Variants in FKTN observed in about 807,000 individuals in gnomAD.
FKTN encodes ribitol-5-phosphate transferase FKTN.
In FKTN, 47 loss-of-function variants were observed where a neutral mutation model predicts 58.6. The observed-to-expected ratio is 0.80, with a 90% CI of 0.63 to 1.02. The LOEUF (loss-of-function observed/expected upper bound fraction) is 1.02, where lower values mean the gene tolerates loss of function less well. Among genes scored for constraint, FKTN ranks in the 50% least tolerant of loss-of-function variants. The probability of loss-of-function intolerance (pLI) is 0.00; values close to 1 mark genes in which losing one functional copy is unlikely to be tolerated. For missense variants in FKTN, 516 were observed against 537.3 expected, an observed-to-expected ratio of 0.96 and a Z score of 0.39; for synonymous variants, 178 against 191.9, an observed-to-expected ratio of 0.93 and a Z score of 0.60.
chr9:105,637,570 C>G lies in FKTN; in HGVS notation c.*2306C>G. The G allele has an allele frequency of 1.0e-6, 1 of 985,364 alleles. No homozygotes were observed. The highest frequency in any genetic ancestry group is 1.2e-6 in the Non-Finnish European group (1 of 829,920). 61.0% of individuals were successfully genotyped at this position (985,364 alleles called of 1,614,324 possible). ...TGGGTTCTGTGGAGTGTCCAGAGAC[C>G]TTGGGTTAGGTATATCCATCTTCAG... On this transcript the variant is annotated 3_prime_UTR_variant, in exon 11 of 11. Coordinates refer to ENST00000357998, the MANE Select transcript of FKTN (RefSeq NM_001079802.2).
chr9:105,587,879 A>G lies in FKTN; in HGVS notation c.106-8719A>G, dbSNP rs190178049. On this transcript the variant is annotated intron_variant, in intron 3 of 10. Transcript: ENST00000357998. ...GAACTGCAGTGGCTTGGGAGTAAATATAAGAGAAATGTTTCTACTGGAAAG... is the reference window on the plus strand; with the variant it reads ...GAACTGCAGTGGCTTGGGAGTAAATGTAAGAGAAATGTTTCTACTGGAAAG... Among the ~76,000 whole-genome samples, 5 of 152,310 alleles carry G rather than the reference A, an allele frequency of 3.3e-5. 1 individual carries two copies. Among genetic ancestry groups the G allele is most frequent in the Admixed American group, 2.0e-4 (3 of 15,294 alleles).
rs943139460 is a variant in FKTN, at chr9:105,558,184, A to T, written c.-181+19A>T. On this transcript the variant is annotated intron_variant, in intron 1 of 10. Coordinates refer to ENST00000357998, the MANE Select transcript of FKTN (RefSeq NM_001079802.2). The stretch of plus-strand genomic sequence containing the variant: ...GAGTGAGGTAAGGTACGGGAGGCTC[A>T]GGTCGGTACCCGGGGATGGGTGGGC... The T allele has an allele frequency of 6.6e-6, 1 of 152,246 alleles. No homozygotes were observed. Among genetic ancestry groups the T allele is most frequent in the African/African-American group, 2.4e-5 (1 of 41,456 alleles). The allele number at this position is 152,246 out of a possible 1,614,324, so 9.4% of individuals were successfully genotyped here. A position where few individuals can be genotyped will look rare whatever the true frequency, so the allele number is the denominator to read the frequency against.
At chr9:105,625,400 A>G (rs1832628147) in intron 10 of FKTN, among the ~76,000 whole-genome samples, 1 of 152,220 alleles carries the variant, frequency 6.6e-6, no homozygotes, top group Admixed American at 6.5e-5. Context: ...AAACTGGTTA[A>G]TTGCCAGAAA....
intron 3 of FKTN, among the ~76,000 whole-genome samples, chr9:105,593,811 T>A (rs79393064): frequency 6.6e-6 from 1 of 152,192 alleles, no homozygotes; most frequent in African/African-American, 2.4e-5. Context: ...AAGATAAGTA[T>A]TGATAATTGA....
intron 3 of FKTN, among the ~76,000 whole-genome samples, chr9:105,581,097 T>A (rs574591060): frequency 6.7e-6 from 1 of 150,076 alleles, no homozygotes; most frequent in Admixed American, 6.6e-5. Context: ...TTTAACTTCT[T>A]TGCCTTTGGT....
rs551497863 is a variant in FKTN, at chr9:105,563,515, G to A, written c.-181+5350G>A. 3.3e-4 allele frequency among the ~76,000 whole-genome samples: 50 copies of A among 152,170 alleles called. 1 individual carries two copies. The highest frequency in any genetic ancestry group is 4.3e-4 in the Non-Finnish European group (29 of 68,038). Reference sequence around the variant, plus strand: ...CACCAGGAGATTATATCCCACGCCTGGCTCGGAGGGTCCTATGCCCACGGA... The same window carrying A: ...CACCAGGAGATTATATCCCACGCCTAGCTCGGAGGGTCCTATGCCCACGGA... On this transcript the variant is annotated intron_variant, in intron 1 of 10. Transcript: ENST00000357998.
At chr9:105,580,010 A>G (rs953243718) in intron 3 of FKTN, among the ~76,000 whole-genome samples, 5 of 150,552 alleles carry the variant, frequency 3.3e-5, no homozygotes, top group African/African-American at 1.2e-4. Context: ...TTTGTTTTCC[A>G]TTTGCTTGGT....
chr9:105,634,426 G>A (rs1014943547), intron 10 of FKTN, among the ~76,000 whole-genome samples: 1 of 152,074 alleles, frequency 6.6e-6, no homozygotes, highest in African/African-American at 2.4e-5. Flanking sequence ...GAGCCACCAC[G>A]ACCGGCCTGG....
In FKTN at chr9:105,639,943, T is replaced by C; in HGVS notation, c.*4679T>C. On this transcript the variant is annotated 3_prime_UTR_variant, in exon 11 of 11. Coordinates refer to ENST00000357998, the MANE Select transcript of FKTN (RefSeq NM_001079802.2). ...ATCTTTACCTCCTTGTTAGTGAAAT[T>C]AGATATAAGCCATGATTTGGAGAGG... The C allele has an allele frequency of 6.8e-7, 1 of 1,467,920 alleles. No homozygotes were observed. The highest frequency in any genetic ancestry group is 9.0e-7 in the Non-Finnish European group (1 of 1,115,354). 90.9% of individuals were successfully genotyped at this position (1,467,920 alleles called of 1,614,324 possible). A position where few individuals can be genotyped will look rare whatever the true frequency, so the allele number is the denominator to read the frequency against.
Position 105,569,162 on chromosome 9 carries a change from G to A in FKTN, c.-180-4493G>A, listed in dbSNP as rs553681772. Among the ~76,000 whole-genome samples, 29 of 152,168 alleles carry A rather than the reference G, an allele frequency of 1.9e-4. No homozygotes were observed. In the South Asian group the frequency reaches 4.8e-3, roughly 25 times the overall value. On this transcript the variant is annotated intron_variant, in intron 1 of 10. Transcript: ENST00000357998. Reference sequence around the variant, plus strand: ...TGTGGGATGGGAGCAAGGGGGAGGCGTAGCATTGGTAGATATACCTAATGT... The same window carrying A: ...TGTGGGATGGGAGCAAGGGGGAGGCATAGCATTGGTAGATATACCTAATGT...
chr9:105,578,605 C>A (rs1435911047), intron 3 of FKTN, among the ~76,000 whole-genome samples: 2 of 151,742 alleles, frequency 1.3e-5, no homozygotes, highest in Non-Finnish European at 2.9e-5. Context: ...CATCAATGTT[C>A]ATCAAGAATA....
rs1834058046 is a variant in FKTN, at chr9:105,636,632, A to C, written c.*1368A>C. Reference sequence around the variant, plus strand: ...TATTGTAAGTGAGAGGTAAAGGAAAATGTAGGCACAATAAGCACTGCTATT... The same window carrying C: ...TATTGTAAGTGAGAGGTAAAGGAAACTGTAGGCACAATAAGCACTGCTATT... On this transcript the variant is annotated 3_prime_UTR_variant, in exon 11 of 11. Transcript: ENST00000357998. The C allele has an allele frequency of 8.2e-7, 1 of 1,221,664 alleles. No homozygotes were observed. The highest frequency in any genetic ancestry group is 1.6e-5 in the African/African-American group (1 of 63,848). 75.7% of individuals were successfully genotyped at this position (1,221,664 alleles called of 1,614,324 possible). A position where few individuals can be genotyped will look rare whatever the true frequency, so the allele number is the denominator to read the frequency against.
At position 105,575,122 on chromosome 9, in the gene FKTN, C is replaced by T. The variant is rs2132018196; in HGVS notation, c.90C>T (p.His30=). Residue 30 remains histidine (H), a synonymous_variant, in exon 3 of 11, where the codon CAC becomes CAT. Transcript: ENST00000357998. ...FLLFQLYYYK[H]YLSTKNGAGL... is the part of the protein sequence containing the mutation. ...TGTTTCAGTTGTACTACTACAAGCACTATTTATCAACAAAGGTAATTTTAT... is the reference window on the plus strand; with the variant it reads ...TGTTTCAGTTGTACTACTACAAGCATTATTTATCAACAAAGGTAATTTTAT... The T allele has an allele frequency of 6.3e-7, 1 of 1,590,116 alleles. No homozygotes were observed. Among genetic ancestry groups the T allele is most frequent in the Non-Finnish European group, 8.6e-7 (1 of 1,158,294 alleles).
intron 3 of FKTN, among the ~76,000 whole-genome samples, chr9:105,576,072 G>A (rs1007659035): frequency 2.6e-5 from 4 of 151,912 alleles, no homozygotes; most frequent in African/African-American, 4.8e-5. Context: ...AAGACTGGGG[G>A]AAGTTTATTA....
intron 1 of FKTN, among the ~76,000 whole-genome samples, chr9:105,569,286 A>G (rs1156719560): frequency 6.6e-6 from 1 of 152,138 alleles, no homozygotes; most frequent in Non-Finnish European, 1.5e-5. Context: ...CTTAAAATAT[A>G]ATAATAAAAA....
In FKTN at chr9:105,633,009, C is replaced by G. The variant is rs529546317; in HGVS notation, c.1173-2042C>G. Among the ~76,000 whole-genome samples, 4 of 152,284 alleles carry G rather than the reference C, an allele frequency of 2.6e-5. No homozygotes were observed. In the East Asian group the frequency reaches 5.8e-4, roughly 22 times the overall value. ...ATGGCATGTGCTGTTCTGTGTCATT[C>G]ACTCTCCTTCACTTCCTCCCTACAA... On this transcript the variant is annotated intron_variant, in intron 10 of 10. Transcript: ENST00000357998.
chr9:105,625,895 A>G (rs892742484), intron 10 of FKTN, among the ~76,000 whole-genome samples: 18 of 151,684 alleles, frequency 1.2e-4, no homozygotes, highest in African/African-American at 4.1e-4. Flanking sequence ...CCTCACGATC[A>G]TAGCTCCTGT....
chr9:105,563,487 G>A (rs1235082517), intron 1 of FKTN, among the ~76,000 whole-genome samples: 1 of 152,124 alleles, frequency 6.6e-6, no homozygotes, highest in African/African-American at 2.4e-5. Flanking sequence ...TTAGCAAACA[G>A]CACACCAGGA....
chr9:105,608,527 G>C (rs928313055), intron 7 of FKTN, among the ~76,000 whole-genome samples: 1 of 152,198 alleles, frequency 6.6e-6, no homozygotes, highest in Non-Finnish European at 1.5e-5. Flanking sequence ...AGGCATGAAA[G>C]TTCAGCTCTA....
Sources: allele counts gnomAD v4.1 joint callset (sites outside exome capture counted in the v4.1 genomes callset), GRCh38; gene constraint gnomAD v4.1.1; transcripts MANE v1.5; gene names NCBI Gene and HGNC (gene_info 2026-07-23, HGNC 2026-07-21).